The following MDK variants were observed in gnomAD, a reference collection of about 807,000 sequenced individuals.
The protein encoded by MDK is amphiregulin-associated protein.
In MDK, 17 loss-of-function variants were observed where a neutral mutation model predicts 18.9. The observed-to-expected ratio is 0.90, with a 90% CI of 0.62 to 1.35. The LOEUF (loss-of-function observed/expected upper bound fraction) is 1.35, where lower values mean the gene tolerates loss of function less well. MDK is among the 40% of genes most tolerant of loss of function. The probability of loss-of-function intolerance (pLI) is 0.00; values close to 1 mark genes in which losing one functional copy is unlikely to be tolerated. For missense variants in MDK, 180 were observed against 186.3 expected, an observed-to-expected ratio of 0.97 and a Z score of 0.20; for synonymous variants, 86 against 74.3, an observed-to-expected ratio of 1.16 and a Z score of -0.81.
chr11:46,381,069 T>C (rs1317671026), upstream of MDK: 3 of 152,288 alleles, frequency 2.0e-5, no homozygotes, highest in Admixed American at 1.3e-4. Context: ...CTCAAGCCTG[T>C]GCTCCCGGAA....
chr11:46,382,008 G>C, intron 1 of MDK, 49 bp from the exon 2 acceptor site: 1 of 1,538,048 alleles, frequency 6.5e-7, no homozygotes, highest in South Asian at 1.2e-5. Context: ...CGCGGCCCCC[G>C]GTGGGGAAGG....
At chr11:46,381,985 G>A (rs1945197575) in intron 1 of MDK, 72 bp from the exon 2 acceptor site, 3 of 1,466,222 alleles carry the variant, frequency 2.0e-6, no homozygotes, top group Non-Finnish European at 2.8e-6. Context: ...CGCGGAGGTG[G>A]GAGGGCCCTG....
Position 46,383,568 on chromosome 11 carries a change from G to C in MDK, c.*74G>C, listed in dbSNP as rs1433141762. On this transcript the variant is annotated 3_prime_UTR_variant, in exon 5 of 5. Transcript: ENST00000395566. ...CCCACGCCCTCCCTCTCCCAGGCCC[G>C]AGATGTGACCCACCAGTGCCTTCTG... The C allele has an allele frequency of 1.5e-6, 2 of 1,351,100 alleles. No homozygotes were observed. The highest frequency in any genetic ancestry group is 4.6e-5 in the East Asian group (2 of 43,712). 83.7% of individuals were successfully genotyped at this position (1,351,100 alleles called of 1,614,324 possible).
chr11:46,382,760 G>T lies in MDK; in HGVS notation c.406+12G>T. On this transcript the variant is annotated intron_variant, in intron 4 of 4. Transcript: ENST00000395566. ...AGCAAAGGCCAAAGGTCAGCGAAAG[G>T]AGAAGGGGGTGGGGCTGTCGCGGGG... 1 of 1,591,586 alleles carries T rather than the reference G, an allele frequency of 6.3e-7. No individual in the cohort carries two copies.
chr11:46,381,958 GC>G (rs1945195549), intron 1 of MDK, 98 bp from the exon 2 acceptor site: 1 of 1,302,278 alleles, frequency 7.7e-7, no homozygotes, highest in Admixed American at 2.1e-5. Context: ...CCGACTTGGG[GC>G]CTGGAAAGTG....
Position 46,382,452 on chromosome 11 carries a change from G to A in MDK, c.235G>A (p.Glu79Lys), listed in dbSNP as rs370175046. 1.3e-6 allele frequency: 2 copies of A among 1,522,832 alleles called. No individual in the cohort carries two copies. Among genetic ancestry groups the A allele is most frequent in the African/African-American group, 2.8e-5 (2 of 72,508 alleles). 94.3% of individuals were successfully genotyped at this position (1,522,832 alleles called of 1,614,324 possible). The change falls in exon 3 of 5, where the codon GAG (glutamate) becomes AAG (lysine). Residue 79 changes from glutamate (E) to lysine (K), a missense_variant. Transcript: ENST00000395566. ...CAGGGTGCCCTGCAACTGGAAGAAG[G>A]AGTTTGGAGGTGAGGCGGGGCGCAG... is the stretch of plus-strand genomic sequence containing the variant. ...RCRVPCNWKK[E>K]FGADCKYKFE...
At position 46,382,760 on chromosome 11, in the gene MDK, G is replaced by C. The variant is rs1404453908; in HGVS notation, c.406+12G>C. 1 of 1,591,586 alleles carries C rather than the reference G, an allele frequency of 6.3e-7. No individual in the cohort carries two copies. The highest frequency in any genetic ancestry group is 1.1e-5 in the South Asian group (1 of 89,018). ...AGCAAAGGCCAAAGGTCAGCGAAAG[G>C]AGAAGGGGGTGGGGCTGTCGCGGGG... is the stretch of plus-strand genomic sequence containing the variant. On this transcript the variant is annotated intron_variant, in intron 4 of 4. Coordinates refer to ENST00000395566, the MANE Select transcript of MDK (RefSeq NM_002391.6).
chr11:46,382,255 C>G (rs754744084), intron 2 of MDK, 39 bp from the exon 3 acceptor site: 2 of 1,603,576 alleles, frequency 1.2e-6, no homozygotes, highest in Non-Finnish European at 1.7e-6. Context: ...GGAGTCTCCC[C>G]GTGCCCCAGT....
intron 4 of MDK, 66 bp from the exon 5 acceptor site, chr11:46,383,403 C>A (rs1945279593): frequency 7.7e-7 from 1 of 1,293,624 alleles, no homozygotes; most frequent in Non-Finnish European, 1.1e-6. Context: ...GTTTGTGGAG[C>A]CGGCGGTCTG....
intron 4 of MDK, 81 bp downstream of exon 4, chr11:46,382,829 T>G (rs561355266): frequency 1.4e-6 from 2 of 1,462,746 alleles, no homozygotes; most frequent in Admixed American, 4.4e-5. Context: ...CAATTCCAAG[T>G]TAAACCTTAA....
At chr11:46,381,890 G>C (rs893158479) in intron 1 of MDK, 132 bp downstream of exon 1, 1 of 676,322 alleles carries the variant, frequency 1.5e-6, no homozygotes. Flanking sequence ...TTAGCGGTGC[G>C]TCCGGGCTAG....
intron 2 of MDK, 45 bp from the exon 3 acceptor site, chr11:46,382,249 T>C (rs1278589919): frequency 6.2e-7 from 1 of 1,602,176 alleles, no homozygotes; most frequent in Admixed American, 1.7e-5. Context: ...CCCGAGGGAG[T>C]CTCCCCGTGC....
chr11:46,383,617 C>T lies in MDK; in HGVS notation c.*123C>T, dbSNP rs752311378. ...TGTCTGCTCGTTAGCTTTAATCAAT[C>T]ATGCCCTGCCTTGTCCCTCTCACTC... On this transcript the variant is annotated 3_prime_UTR_variant, in exon 5 of 5. Transcript: ENST00000395566. 2.4e-5 allele frequency: 21 copies of T among 892,912 alleles called. No individual in the cohort carries two copies. In the East Asian group the frequency reaches 4.9e-4, roughly 21 times the overall value. The allele number at this position is 892,912 out of a possible 1,614,324, so 55.3% of individuals were successfully genotyped here.
At chr11:46,382,258 G>C in intron 2 of MDK, 36 bp from the exon 3 acceptor site, 1 of 1,603,414 alleles carries the variant, frequency 6.2e-7, no homozygotes, top group Non-Finnish European at 8.5e-7. Flanking sequence ...GTCTCCCCGT[G>C]CCCCAGTCCT....
intron 4 of MDK, 105 bp downstream of exon 4, chr11:46,382,853 G>C: frequency 7.5e-7 from 1 of 1,341,526 alleles, no homozygotes; most frequent in Non-Finnish European, 1.0e-6. Flanking sequence ...TTGAGTCCTG[G>C]CCAGTGGCTT....
At chr11:46,382,542 G>C in intron 3 of MDK, 45 bp from the exon 4 acceptor site, 1 of 1,567,946 alleles carries the variant, frequency 6.4e-7, no homozygotes, top group Admixed American at 1.8e-5. Flanking sequence ...GCGGAGGGCG[G>C]GGCCGCGGGC....
Position 46,382,335 on chromosome 11 carries a change from TGGGCCTGG to T in MDK, c.124_131del (p.Trp42LeufsTer45). On this transcript the variant is annotated frameshift_variant, in exon 3 of 5. Coordinates refer to ENST00000395566, the MANE Select transcript of MDK (RefSeq NM_002391.6). LOFTEE classifies it high-confidence loss of function. ...CGGCCCGGGGAGCGAGTGCGCTGAG[TGGGCCTGG>T]GGGCCCTGCACCCCCAGCAGCAAGG... 1 of 1,606,328 alleles carries T rather than the reference TGGGCCTGG, an allele frequency of 6.2e-7. No homozygotes were observed. Among genetic ancestry groups the T allele is most frequent in the Non-Finnish European group, 8.5e-7 (1 of 1,177,510 alleles).
At chr11:46,383,088 T>A (rs1945271580) in intron 4 of MDK, 1 of 437,880 alleles carries the variant, frequency 2.3e-6, no homozygotes, top group South Asian at 2.5e-5. Flanking sequence ...AGCTCTGCCC[T>A]TTCTAGTGTT....
chr11:46,382,540 CG>C lies in MDK; in HGVS notation c.245-43del, dbSNP rs1393660236. On this transcript the variant is annotated intron_variant, in intron 3 of 4. Transcript: ENST00000395566. Reference sequence around the variant, plus strand: ...GCCTGGGCGGACCCTTGGCGGAGGGCGGGGCCGCGGGCCGCGCAGCGCTGAC... The same window carrying C: ...GCCTGGGCGGACCCTTGGCGGAGGGCGGGCCGCGGGCCGCGCAGCGCTGAC... The C allele has an allele frequency of 2.6e-6, 4 of 1,563,408 alleles. No homozygotes were observed. The South Asian group carries it at 3.5e-5, about 14-fold the overall frequency.
Sources: allele counts gnomAD v4.1 joint callset, GRCh38; gene constraint gnomAD v4.1.1; transcripts MANE v1.5; gene names NCBI Gene and HGNC (gene_info 2026-07-23, HGNC 2026-07-21).